The following ACAP1 variants were observed in gnomAD, a reference collection of about 807,000 sequenced individuals.
ACAP1 encodes ArfGAP with coiled-coil, ankyrin repeat and PH domains 1, also known as arf-GAP with coiled-coil, ANK repeat and PH domain-containing protein 1.
Under a neutral mutation model 98.8 loss-of-function variants are expected in ACAP1, and 45 were observed. The ratio of observed to expected loss-of-function variants is 0.46; its 90% CI spans 0.36 to 0.58. The LOEUF (loss-of-function observed/expected upper bound fraction) is 0.58. Ranked by LOEUF, ACAP1 falls within the 20% of genes least tolerant of loss-of-function variation. The probability of loss-of-function intolerance (pLI) is 0.00; values close to 1 mark genes in which losing one functional copy is unlikely to be tolerated. For missense variants in ACAP1, 735 were observed against 971.4 expected, an observed-to-expected ratio of 0.76 and a Z score of 3.24; for synonymous variants, 362 against 375.3, an observed-to-expected ratio of 0.96 and a Z score of 0.41.
In ACAP1 at chr17:7,336,733, A is replaced by G; in HGVS notation, c.-2A>G. 6.2e-7 allele frequency: 1 copy of G among 1,613,880 alleles called. No individual in the cohort carries two copies. Among genetic ancestry groups the G allele is most frequent in the Non-Finnish European group, 8.5e-7 (1 of 1,179,844 alleles). ...CGCTGGCCCCACAGCAGGCAAGCTGAGATGACGGTCAAGCTGGATTTCGAG... is the reference window on the plus strand; with the variant it reads ...CGCTGGCCCCACAGCAGGCAAGCTGGGATGACGGTCAAGCTGGATTTCGAG... On this transcript the variant is annotated 5_prime_UTR_variant, in exon 1 of 22. Coordinates refer to ENST00000158762, the MANE Select transcript of ACAP1 (RefSeq NM_014716.4).
chr17:7,337,189 G>T, intron 1 of ACAP1, 123 bp from the exon 2 acceptor site: 1 of 878,824 alleles, frequency 1.1e-6, no homozygotes. Flanking sequence ...GTGGGTGGGG[G>T]GCGAGCCTCT....
intron 10 of ACAP1, among the ~76,000 whole-genome samples, chr17:7,345,151 G>T (rs2073334136): frequency 6.6e-6 from 1 of 151,986 alleles, no homozygotes; most frequent in Non-Finnish European, 1.5e-5. Context: ...GGGATTTGGG[G>T]TCTACTCTGA....
chr17:7,350,779 T>A lies in ACAP1; in HGVS notation c.2073-171T>A. The A allele has an allele frequency of 1.7e-6, 1 of 588,282 alleles. No individual in the cohort carries two copies. The highest frequency in any genetic ancestry group is 1.9e-5 in the South Asian group (1 of 52,514). The allele number at this position is 588,282 out of a possible 1,614,324, so 36.4% of individuals were successfully genotyped here. ...GCGTGCGCCACCACCCCCGGCTAAT[T>A]TTTTGTATTTTTAGTAGAGACGGGG... On this transcript the variant is annotated intron_variant, in intron 20 of 21. Transcript: ENST00000158762. The surrounding 1 kb of genome is among the most constrained non-coding windows in gnomAD (Gnocchi z 4.6).
chr17:7,351,130 CGACG>C, intron 21 of ACAP1, 131 bp downstream of exon 21: 1 of 1,136,820 alleles, frequency 8.8e-7, no homozygotes, highest in Non-Finnish European at 1.3e-6. Context: ...TGGGCGCATG[CGACG>C]TGCCAGGCCC....
At chr17:7,342,106 G>A (rs2073288749) in intron 3 of ACAP1, 39 bp downstream of exon 3, 1 of 1,611,276 alleles carries the variant, frequency 6.2e-7, no homozygotes, top group Non-Finnish European at 8.5e-7. Context: ...AAGGGGTCTG[G>A]GATGAGGAGG....
chr17:7,342,359 T>C lies in ACAP1; in HGVS notation c.285+31T>C, dbSNP rs750564124. 9 of 1,613,830 alleles carry C rather than the reference T, an allele frequency of 5.6e-6. No individual in the cohort carries two copies. The Admixed American group carries it at 8.3e-5, about 15-fold the overall frequency. ...TAGGGGAAGGTAAGGATTGTCGGGG[T>C]GGTGGCCAGGTCACCTGTGGTCCTG... On this transcript the variant is annotated intron_variant, in intron 4 of 21. Coordinates refer to ENST00000158762, the MANE Select transcript of ACAP1 (RefSeq NM_014716.4).
At chr17:7,348,627 G>A in intron 17 of ACAP1, 152 bp downstream of exon 17, 2 of 875,808 alleles carry the variant, frequency 2.3e-6, no homozygotes, top group Non-Finnish European at 3.3e-6. Context: ...GGTGGAGTGT[G>A]ACATTAAGAA....
rs745493800 is a variant in ACAP1, at chr17:7,342,492, G to A, written c.344+18G>A. The A allele has an allele frequency of 2.9e-5, 47 of 1,613,428 alleles. No individual in the cohort carries two copies. In the Middle Eastern group the frequency reaches 4.9e-4, roughly 17 times the overall value. On this transcript the variant is annotated intron_variant, in intron 5 of 21. Transcript: ENST00000158762. Reference sequence around the variant, plus strand: ...GTCAAGGAGTGAGATGGGGCCGGGCGCAGTGGCTCATGCCTGTAATCCCAA... The same window carrying A: ...GTCAAGGAGTGAGATGGGGCCGGGCACAGTGGCTCATGCCTGTAATCCCAA...
chr17:7,337,233 C>T, intron 1 of ACAP1, 79 bp from the exon 2 acceptor site: 1 of 1,381,948 alleles, frequency 7.2e-7, no homozygotes, highest in Non-Finnish European at 1.0e-6. Flanking sequence ...TACCCACCGC[C>T]CTGCGACTCC....
chr17:7,343,813 G>A lies in ACAP1; in HGVS notation c.574-48G>A. The A allele has an allele frequency of 6.2e-7, 1 of 1,613,762 alleles. No homozygotes were observed. The highest frequency in any genetic ancestry group is 8.5e-7 in the Non-Finnish European group (1 of 1,179,776). On this transcript the variant is annotated intron_variant, in intron 7 of 21. Transcript: ENST00000158762. The surrounding 1 kb of genome is among the most constrained non-coding windows in gnomAD (Gnocchi z 4.9). ...GCCTGCTGCCAGCACAAGGGAATGG[G>A]GAGAGGGGTTCTTCCTCAGCCTTCC...
At position 7,336,570 on chromosome 17, in the gene ACAP1, AC is replaced by A. The variant is rs2073221049; in HGVS notation, c.-161del. The A allele has an allele frequency of 6.0e-6, 4 of 670,120 alleles. No individual in the cohort carries two copies. The highest frequency in any genetic ancestry group is 4.2e-4 in the Middle Eastern group (1 of 2,402). 41.5% of individuals were successfully genotyped at this position (670,120 alleles called of 1,614,324 possible). A position where few individuals can be genotyped will look rare whatever the true frequency, so the allele number is the denominator to read the frequency against. On this transcript the variant is annotated 5_prime_UTR_variant, in exon 1 of 22. Coordinates refer to ENST00000158762, the MANE Select transcript of ACAP1 (RefSeq NM_014716.4). ...GTGGGGTGAGAGCTCCTCCTAGGAC[AC>A]CCCTTTCCCCTTGGGGAAAGAATTG... is the stretch of plus-strand genomic sequence containing the variant.
intron 2 of ACAP1, among the ~76,000 whole-genome samples, 190 bp from the exon 3 acceptor site, chr17:7,341,758 C>T (rs780429450): frequency 2.0e-5 from 3 of 152,176 alleles, no homozygotes; most frequent in East Asian, 1.9e-4. Context: ...GGAGCAAAGA[C>T]GCAGCGATAA....
chr17:7,348,430 A>G lies in ACAP1; in HGVS notation c.1633A>G (p.Lys545Glu). 1 of 1,509,136 alleles carries G rather than the reference A, an allele frequency of 6.6e-7. No individual in the cohort carries two copies. The highest frequency in any genetic ancestry group is 8.8e-7 in the Non-Finnish European group (1 of 1,130,558). The allele number at this position is 1,509,136 out of a possible 1,614,324, so 93.5% of individuals were successfully genotyped here. A position where few individuals can be genotyped will look rare whatever the true frequency, so the allele number is the denominator to read the frequency against. ...RPRGQPPVPP[K>E]PSIRPRPGSL... The stretch of plus-strand genomic sequence containing the variant: ...AAGGGGGCAGCCTCCTGTGCCCCCA[A>G]AGCCTTCCATCAGGCCCCGGCCAGG... Residue 545 changes from lysine to glutamate, a missense_variant, in exon 17 of 22, where the codon AAG becomes GAG. Physicochemically the swap from Lys to Glu is moderately conservative, Grantham distance 56. Transcript: ENST00000158762.
At position 7,343,839 on chromosome 17, in the gene ACAP1, C is replaced by T. The variant is rs1366893402; in HGVS notation, c.574-22C>T. The T allele has an allele frequency of 1.2e-6, 2 of 1,614,024 alleles. No individual in the cohort carries two copies. Among genetic ancestry groups the T allele is most frequent in the Non-Finnish European group, 1.7e-6 (2 of 1,179,954 alleles). On this transcript the variant is annotated intron_variant, in intron 7 of 21. Coordinates refer to ENST00000158762, the MANE Select transcript of ACAP1 (RefSeq NM_014716.4). The surrounding 1 kb of genome is among the most constrained non-coding windows in gnomAD (Gnocchi z 4.9). ...GAGAGGGGTTCTTCCTCAGCCTTCC[C>T]ACTGCCCGCCTTGTCCCCCAGGTGC...
Position 7,346,789 on chromosome 17 carries a change from C to T in ACAP1, c.1008-19C>T. 6.2e-7 allele frequency: 1 copy of T among 1,605,782 alleles called. No homozygotes were observed. Among genetic ancestry groups the T allele is most frequent in the Non-Finnish European group, 8.5e-7 (1 of 1,174,804 alleles). On this transcript the variant is annotated intron_variant, in intron 12 of 21. Coordinates refer to ENST00000158762, the MANE Select transcript of ACAP1 (RefSeq NM_014716.4). ...CAGGCCTCAGACCCCTCTGCCATCT[C>T]CCTCACCCTCCTACCTAGGTCCTGC... is the stretch of plus-strand genomic sequence containing the variant.
At chr17:7,346,352 C>T (rs114042758) in intron 11 of ACAP1, 39 bp from the exon 12 acceptor site, 1 of 1,613,554 alleles carries the variant, frequency 6.2e-7, no homozygotes, top group African/African-American at 1.3e-5. Flanking sequence ...CTCTTGCCTG[C>T]AGCTGGACAT....
At chr17:7,347,284 CCA>C (rs746538012) in intron 14 of ACAP1, 42 bp downstream of exon 14, 13 of 1,554,240 alleles carry the variant, frequency 8.4e-6, no homozygotes, top group Admixed American at 6.9e-5. Flanking sequence ...CTCCTTCGGG[CCA>C]CAGTGCGGCT....
At position 7,343,917 on chromosome 17, in the gene ACAP1, G is replaced by A. The variant is rs1300539950; in HGVS notation, c.630G>A (p.Leu210=). 6.2e-7 allele frequency: 1 copy of A among 1,607,990 alleles called. No homozygotes were observed. Residue 210 remains leucine, a synonymous_variant, in exon 8 of 22, where the codon CTG becomes CTA. Transcript: ENST00000158762. This position sits in a 1 kb window ranked among gnomAD's most constrained non-coding sequence, Gnocchi z 4.9. ...ATHFQQGHEE[L]SRLSQYRKEL... is the part of the protein sequence containing the mutation. Reference sequence around the variant, plus strand: ...ATTTCCAGCAGGGCCATGAGGAGCTGAGCCGGCTGTCCCAGTATCGAAAGG... The same window carrying A: ...ATTTCCAGCAGGGCCATGAGGAGCTAAGCCGGCTGTCCCAGTATCGAAAGG...
chr17:7,351,131 G>A lies in ACAP1; in HGVS notation c.2122+132G>A, dbSNP rs1016487815. On this transcript the variant is annotated intron_variant, in intron 21 of 21. Transcript: ENST00000158762. ...TAACAAATGCGTATTGGGCGCATGC[G>A]ACGTGCCAGGCCCTGGCAAGGCATA... is the stretch of plus-strand genomic sequence containing the variant. The A allele has an allele frequency of 2.6e-5, 29 of 1,132,566 alleles. No individual in the cohort carries two copies. The African/African-American group carries it at 3.4e-4, about 13-fold the overall frequency. The allele number at this position is 1,132,566 out of a possible 1,614,324, so 70.2% of individuals were successfully genotyped here. A position where few individuals can be genotyped will look rare whatever the true frequency, so the allele number is the denominator to read the frequency against.
Sources: gnomAD v4.1 joint callset for allele counts (sites outside exome capture counted in the v4.1 genomes callset) on GRCh38, gnomAD v4.1.1 for gene constraint, Gnocchi (gnomAD v3.1) non-coding constraint, MANE v1.5 for transcripts, NCBI Gene and HGNC (gene_info 2026-07-23, HGNC 2026-07-21) for gene names.